The following EBF2 variants were observed in gnomAD, a reference collection of about 807,000 sequenced individuals.
The protein encoded by EBF2 is transcription factor COE2.
In EBF2, 21 loss-of-function variants were observed where a neutral mutation model predicts 72.8. The observed-to-expected ratio is 0.29, with a 90% confidence interval of 0.20 to 0.42. The LOEUF (loss-of-function observed/expected upper bound fraction) is 0.42, where lower values mean the gene tolerates loss of function less well. Ranked by LOEUF, EBF2 falls within the 10% of genes least tolerant of loss-of-function variation. The probability of loss-of-function intolerance (pLI) is 1.00; values close to 1 mark genes in which losing one functional copy is unlikely to be tolerated. For missense variants in EBF2, 637 were observed against 731.2 expected, an observed-to-expected ratio of 0.87 and a Z score of 1.49; for synonymous variants, 299 against 274.2, an observed-to-expected ratio of 1.09 and a Z score of -0.89.
intron 6 of EBF2, among the ~76,000 whole-genome samples, chr8:25,940,939 C>T (rs1469685219): frequency 6.6e-6 from 1 of 152,150 alleles, no homozygotes; most frequent in Non-Finnish European, 1.5e-5. Context: ...ATTTGCAAGG[C>T]TGACAGCAGG....
intron 6 of EBF2, among the ~76,000 whole-genome samples, chr8:25,942,788 T>C (rs1803698432): frequency 6.6e-6 from 1 of 152,220 alleles, no homozygotes; most frequent in Non-Finnish European, 1.5e-5. Flanking sequence ...CGGGCTCGCC[T>C]ACCTCCCCAG....
chr8:25,999,597 C>T (rs186316740), intron 6 of EBF2, among the ~76,000 whole-genome samples: 56 of 150,656 alleles, frequency 3.7e-4, no homozygotes, highest in Admixed American at 6.6e-4. Context: ...TACATGTCTT[C>T]TGCTTTCTTT....
At chr8:25,935,261 AG>A (rs1036165532) in intron 6 of EBF2, among the ~76,000 whole-genome samples, 3 of 151,714 alleles carry the variant, frequency 2.0e-5, no homozygotes, top group African/African-American at 7.3e-5. Context: ...GGGATTGGAA[AG>A]GGGGGGAAAA....
intron 6 of EBF2, among the ~76,000 whole-genome samples, chr8:25,970,302 T>C (rs554856378): frequency 3.9e-5 from 6 of 152,202 alleles, no homozygotes; most frequent in African/African-American, 1.4e-4. Flanking sequence ...GCTCTTCCAT[T>C]CGCTTCGACA....
chr8:25,885,912 A>ACTG, intron 10 of EBF2, among the ~76,000 whole-genome samples: 1 of 152,052 alleles, frequency 6.6e-6, no homozygotes, highest in East Asian at 1.9e-4. Context: ...TCTAGTTTAA[A>ACTG]TACAAAATGC....
chr8:25,902,482 C>G (rs966381340), intron 7 of EBF2, among the ~76,000 whole-genome samples: 1 of 151,846 alleles, frequency 6.6e-6, no homozygotes, highest in African/African-American at 2.4e-5. Flanking sequence ...TTCTTTTGCT[C>G]TCTTAAAAAT....
chr8:25,902,467 CTTTTTTCT>C (rs1334666584), intron 7 of EBF2, among the ~76,000 whole-genome samples: 5 of 151,786 alleles, frequency 3.3e-5, no homozygotes, highest in Non-Finnish European at 7.4e-5. Flanking sequence ...CTCTTTTTTC[CTTTTTTCT>C]TTTGCTCTCT....
intron 7 of EBF2, among the ~76,000 whole-genome samples, chr8:25,906,569 C>T (rs770456940): frequency 3.3e-5 from 5 of 152,124 alleles, no homozygotes; most frequent in Non-Finnish European, 7.4e-5. Flanking sequence ...GAGTTTCAGA[C>T]CAGCCTGGCC....
intron 6 of EBF2, among the ~76,000 whole-genome samples, chr8:25,972,340 G>A (rs1481667802): frequency 6.6e-6 from 1 of 152,142 alleles, no homozygotes; most frequent in African/African-American, 2.4e-5. Context: ...GATGGGAAGA[G>A]CTGCCTCAGA....
intron 7 of EBF2, among the ~76,000 whole-genome samples, chr8:25,902,611 A>G (rs144719437): frequency 7.9e-5 from 12 of 152,312 alleles, no homozygotes; most frequent in Non-Finnish European, 1.8e-4. Flanking sequence ...ACAAAAATAA[A>G]TAAAACATAT....
At chr8:25,899,960 G>A (rs776178834) in intron 7 of EBF2, among the ~76,000 whole-genome samples, 2 of 152,172 alleles carry the variant, frequency 1.3e-5, no homozygotes, top group African/African-American at 4.8e-5. Flanking sequence ...CACACCGGGC[G>A]CTTCTTCTTG....
rs142953309 is a variant in EBF2, at chr8:26,014,650, C to T, written c.551+18435G>A. Among the ~76,000 whole-genome samples, 515 of 152,286 alleles carry T rather than the reference C, an allele frequency of 3.4e-3. 3 individuals carry two copies. The highest frequency in any genetic ancestry group is 0.012 in the African/African-American group (488 of 41,568). ...CACCCAAAGCAAGCAAGGAGAGGAC[C>T]TTGTCATGATCCCAGCATAGAAAAT... On this transcript the variant is annotated intron_variant, in intron 6 of 15. Coordinates refer to ENST00000520164, the MANE Select transcript of EBF2 (RefSeq NM_022659.4).
intron 6 of EBF2, among the ~76,000 whole-genome samples, chr8:26,005,561 T>TATATAGAG (rs375386709): frequency 2.7e-4 from 17 of 63,894 alleles, no homozygotes; most frequent in Middle Eastern, 0.013. Flanking sequence ...TATATATATA[T>TATATAGAG]AGAGAGAGAG....
intron 5 of EBF2, among the ~76,000 whole-genome samples, chr8:26,036,454 G>A (rs186580566): frequency 0.013 from 2,027 of 152,186 alleles, 15 homozygotes; most frequent in Middle Eastern, 0.027. Context: ...TAATAGTAAA[G>A]GTATAAAAAT....
At chr8:25,859,721 C>CTTTT (rs202200790) in intron 13 of EBF2, among the ~76,000 whole-genome samples, 1 of 142,934 alleles carries the variant, frequency 7.0e-6, no homozygotes, top group African/African-American at 2.6e-5. Context: ...CCTGTCTAGT[C>CTTTT]TTTTTTTTTT....
intron 6 of EBF2, among the ~76,000 whole-genome samples, chr8:26,023,789 G>C (rs1194333372): frequency 6.6e-6 from 1 of 152,132 alleles, no homozygotes; most frequent in Non-Finnish European, 1.5e-5. Context: ...TGTGCTGGGG[G>C]AGGGGAAGCA....
At chr8:25,859,093 C>G (rs951661562) in intron 13 of EBF2, among the ~76,000 whole-genome samples, 1 of 152,098 alleles carries the variant, frequency 6.6e-6, no homozygotes, top group African/African-American at 2.4e-5. Flanking sequence ...TGTGGAGTTC[C>G]CTCTCCCAAA....
chr8:26,024,606 A>T (rs1805269448), intron 6 of EBF2, among the ~76,000 whole-genome samples: 1 of 152,162 alleles, frequency 6.6e-6, no homozygotes, highest in South Asian at 2.1e-4. Flanking sequence ...AGTCACAGGA[A>T]TTGTCCTATA....
chr8:25,992,056 A>G, intron 6 of EBF2, among the ~76,000 whole-genome samples: 1 of 151,892 alleles, frequency 6.6e-6, no homozygotes, highest in Non-Finnish European at 1.5e-5. Context: ...TTTTAGACAG[A>G]GTCTCACTCT....
Sources: gnomAD v4.1 joint callset for allele counts (sites outside exome capture counted in the v4.1 genomes callset) on GRCh38, gnomAD v4.1.1 for gene constraint, MANE v1.5 for transcripts, NCBI Gene and HGNC (gene_info 2026-07-23, HGNC 2026-07-21) for gene names.